Variants in ADGRL3 observed in about 807,000 individuals in gnomAD.
ADGRL3 encodes the protein calcium-independent alpha-latrotoxin receptor 3.
ADGRL3 carries 62 observed loss-of-function variants against 153.5 expected under a neutral mutation model. That is an observed-to-expected ratio of 0.40 (90% CI 0.33 to 0.50). The LOEUF (loss-of-function observed/expected upper bound fraction) is 0.50. ADGRL3 is among the 20% of genes least tolerant of loss of function. The pLI is 0.47. For missense variants in ADGRL3, 1,641 were observed against 1,859.4 expected, an observed-to-expected ratio of 0.88 and a Z score of 2.16; for synonymous variants, 710 against 672.5, an observed-to-expected ratio of 1.06 and a Z score of -0.86.
chr4:61,878,683 T>A (rs912688784), intron 9 of ADGRL3, among the ~76,000 whole-genome samples: 3 of 152,184 alleles, frequency 2.0e-5, no homozygotes, highest in African/African-American at 7.2e-5. Context: ...ATTTATCAAC[T>A]ATTATTTGAC....
At chr4:61,817,846 C>T (rs1392515022) in intron 9 of ADGRL3, among the ~76,000 whole-genome samples, 1 of 152,114 alleles carries the variant, frequency 6.6e-6, no homozygotes, top group East Asian at 1.9e-4. Context: ...TATTCACTAC[C>T]ATGAGAACAG....
chr4:61,405,196 T>C (rs956676140), intron 2 of ADGRL3, among the ~76,000 whole-genome samples: 8 of 151,998 alleles, frequency 5.3e-5, no homozygotes, highest in African/African-American at 1.9e-4. Context: ...TCAGAAATAA[T>C]GGCAGATTAA....
chr4:61,771,245 C>T (rs1017046328), intron 8 of ADGRL3, among the ~76,000 whole-genome samples: 1 of 152,176 alleles, frequency 6.6e-6, no homozygotes, highest in Non-Finnish European at 1.5e-5. Flanking sequence ...TGCAAGTTCC[C>T]TTATCTGCAC....
chr4:61,215,190 T>G (rs888395530), intron 1 of ADGRL3, among the ~76,000 whole-genome samples: 3 of 152,300 alleles, frequency 2.0e-5, no homozygotes, highest in East Asian at 1.9e-4. Flanking sequence ...TGGAAACATA[T>G]TCTACTTTCA....
chr4:61,287,179 T>C (rs1028697691), intron 1 of ADGRL3, among the ~76,000 whole-genome samples: 6 of 151,852 alleles, frequency 4.0e-5, no homozygotes, highest in Non-Finnish European at 7.4e-5. Context: ...ATGTTTACAG[T>C]TTTTGTAATC....
At chr4:61,687,231 A>G (rs956669277) in intron 6 of ADGRL3, among the ~76,000 whole-genome samples, 3 of 152,030 alleles carry the variant, frequency 2.0e-5, no homozygotes, top group Admixed American at 2.0e-4. Flanking sequence ...TCTATATTCT[A>G]ATTCTCAGAA....
At position 61,399,378 on chromosome 4, in the gene ADGRL3, A is replaced by C. The variant is rs568677408; in HGVS notation, c.-174+16189A>C. ...GTTTACGTTAAGATACATCTTAAAA[A>C]CAAAATATTTTCAGTGTGAAATAAA... On this transcript the variant is annotated intron_variant, in intron 2 of 26. Coordinates refer to ENST00000683033, the MANE Select transcript of ADGRL3 (RefSeq NM_001387552.1). 1.8e-3 allele frequency among the ~76,000 whole-genome samples: 273 copies of C among 151,866 alleles called. 2 individuals carry two copies. Among genetic ancestry groups the C allele is most frequent in the African/African-American group, 6.4e-3 (264 of 41,542 alleles).
At chr4:61,231,268 A>G (rs1364990843) in intron 1 of ADGRL3, among the ~76,000 whole-genome samples, 3 of 152,178 alleles carry the variant, frequency 2.0e-5, no homozygotes, top group African/African-American at 7.2e-5. Flanking sequence ...CAATGTTCAT[A>G]TTCTAGACTT....
chr4:61,990,591 A>G (rs2099100281), intron 19 of ADGRL3, among the ~76,000 whole-genome samples: 1 of 152,110 alleles, frequency 6.6e-6, no homozygotes, highest in South Asian at 2.1e-4. Flanking sequence ...CTGTTTAATA[A>G]TACTAAAAGT....
At chr4:61,297,672 C>CT (rs547407149) in intron 1 of ADGRL3, among the ~76,000 whole-genome samples, 55 of 144,620 alleles carry the variant, frequency 3.8e-4, no homozygotes, top group East Asian at 1.2e-3. Context: ...AAATTCCCAC[C>CT]TTTTTTTTTT....
At position 61,457,856 on chromosome 4, in the gene ADGRL3, A is replaced by T. The variant is rs74827311; in HGVS notation, c.-173-39265A>T. ...TTGTATAAAATCACAGATGACAGAT[A>T]GATAGATAGATAGATAGATAGATAG... On this transcript the variant is annotated intron_variant, in intron 2 of 26. Coordinates refer to ENST00000683033, the MANE Select transcript of ADGRL3 (RefSeq NM_001387552.1). 7.4e-3 allele frequency among the ~76,000 whole-genome samples: 667 copies of T among 90,120 alleles called. 4 individuals are homozygous for T. Among genetic ancestry groups the T allele is most frequent in the African/African-American group, 0.033 (613 of 18,588 alleles). 59.1% of individuals were successfully genotyped at this position (90,120 alleles called of 152,430 possible).
chr4:61,567,666 G>A (rs1183293709), intron 4 of ADGRL3, among the ~76,000 whole-genome samples: 1 of 152,064 alleles, frequency 6.6e-6, no homozygotes. Context: ...AAAGAGACTA[G>A]GACAAAGCCT....
chr4:61,477,993 A>G (rs1313256642), intron 2 of ADGRL3, among the ~76,000 whole-genome samples: 1 of 152,074 alleles, frequency 6.6e-6, no homozygotes, highest in Non-Finnish European at 1.5e-5. Context: ...TATGGACTTC[A>G]TACTTTTTAC....
At chr4:61,888,189 T>C (rs773570786) in intron 9 of ADGRL3, among the ~76,000 whole-genome samples, 2 of 152,216 alleles carry the variant, frequency 1.3e-5, no homozygotes, top group Admixed American at 6.5e-5. Flanking sequence ...ACAGTGATGA[T>C]ATAAGGAAAA....
intron 6 of ADGRL3, among the ~76,000 whole-genome samples, chr4:61,683,300 A>G (rs2095376306): frequency 6.6e-6 from 1 of 152,064 alleles, no homozygotes; most frequent in South Asian, 2.1e-4. Context: ...TTTTGTAGAA[A>G]TGGCATTTTG....
intron 1 of ADGRL3, among the ~76,000 whole-genome samples, chr4:61,242,113 C>G (rs540401899): frequency 1.3e-5 from 2 of 152,122 alleles, no homozygotes; most frequent in Non-Finnish European, 2.9e-5. Context: ...TTCATGCAGA[C>G]TATTGTTTTT....
At chr4:61,372,653 A>G (rs536223270) in intron 1 of ADGRL3, among the ~76,000 whole-genome samples, 138 of 152,260 alleles carry the variant, frequency 9.1e-4, no homozygotes, top group African/African-American at 3.2e-3. Context: ...AAGGACGTTT[A>G]AGTCTGCAGA....
In ADGRL3 at chr4:61,925,540, A is replaced by G. The variant is rs1046259457; in HGVS notation, c.2113-9300A>G. On this transcript the variant is annotated intron_variant, in intron 13 of 26. Transcript: ENST00000683033. ...CAGGCTCTACAAGCATGGCACTGGCATCTGCTTAGCTTCTGGGGTGGGCTC... is the reference window on the plus strand; with the variant it reads ...CAGGCTCTACAAGCATGGCACTGGCGTCTGCTTAGCTTCTGGGGTGGGCTC... 8.5e-5 allele frequency among the ~76,000 whole-genome samples: 13 copies of G among 152,180 alleles called. 1 individual carries two copies. Among genetic ancestry groups the G allele is most frequent in the Admixed American group, 7.9e-4 (12 of 15,274 alleles).
intron 4 of ADGRL3, among the ~76,000 whole-genome samples, chr4:61,539,411 A>G (rs2098677016): frequency 6.6e-6 from 1 of 151,902 alleles, no homozygotes; most frequent in Non-Finnish European, 1.5e-5. Context: ...GGCAGGCTGC[A>G]CTCCCTCATC....
Sources: allele counts gnomAD v4.1 joint callset (sites outside exome capture counted in the v4.1 genomes callset), GRCh38; gene constraint gnomAD v4.1.1; transcripts MANE v1.5; gene names NCBI Gene and HGNC (gene_info 2026-07-23, HGNC 2026-07-21).